The following MEGF6 variants were observed in gnomAD, a reference collection of about 807,000 sequenced individuals.
MEGF6 encodes the protein multiple epidermal growth factor-like domains protein 6.
MEGF6 carries 184 observed loss-of-function variants against 207.1 expected under a neutral mutation model. The ratio of observed to expected loss-of-function variants is 0.89; its 90% CI spans 0.79 to 1.00. MEGF6 has a LOEUF of 1.00. Ranked by LOEUF, MEGF6 falls within the 50% of genes least tolerant of loss-of-function variation. MEGF6 has a pLI of 0.00. For synonymous variants in MEGF6, 1,038 were observed against 910.0 expected (o/e 1.14, Z -2.53); for missense variants, 2,282 against 2,202.9 (o/e 1.04, Z -0.72).
intron 5 of MEGF6, among the ~76,000 whole-genome samples, chr1:3,520,113 T>A (rs1490922332): frequency 6.6e-6 from 1 of 152,234 alleles, no homozygotes; most frequent in Non-Finnish European, 1.5e-5. Flanking sequence ...ACAGCGTGTT[T>A]CATCTGGAGG....
Position 3,495,991 on chromosome 1 carries a change from T to A in MEGF6, c.3770A>T (p.Asn1257Ile), listed in dbSNP as rs925372625. 2 of 1,552,198 alleles carry A rather than the reference T, an allele frequency of 1.3e-6. No homozygotes were observed. The highest frequency in any genetic ancestry group is 2.4e-5 in the South Asian group (2 of 84,662). Residue 1257 changes from asparagine (N) to isoleucine (I), a missense_variant, in exon 30 of 37, where the codon AAC becomes ATC. By Grantham distance (149) the Asn-to-Ile change is moderately radical (BLOSUM62 -3). Coordinates refer to ENST00000356575, the MANE Select transcript of MEGF6 (RefSeq NM_001409.4). The stretch of plus-strand genomic sequence containing the variant: ...CCCACACCCACACACGTGGGTGCAG[T>A]TGGGGCCGAAGCGGCCCTGCGGACA... ...LTCPQGRFGP[N>I]CTHVCGCGQG...
chr1:3,500,586 T>A, intron 21 of MEGF6, 47 bp downstream of exon 21: 3 of 1,525,072 alleles, frequency 2.0e-6, no homozygotes, highest in Non-Finnish European at 2.6e-6. Flanking sequence ...TATGTGTGCG[T>A]GTGCGCACTC....
intron 4 of MEGF6, among the ~76,000 whole-genome samples, chr1:3,546,682 G>A (rs1642719019): frequency 6.7e-6 from 1 of 150,298 alleles, no homozygotes; most frequent in Admixed American, 6.6e-5. Context: ...AGGTGGGGTG[G>A]CAGTGGGCTG....
intron 3 of MEGF6, among the ~76,000 whole-genome samples, chr1:3,590,295 G>A (rs548852531): frequency 5.9e-5 from 9 of 152,334 alleles, no homozygotes; most frequent in Admixed American, 5.2e-4. Flanking sequence ...GTGCTGCCAG[G>A]ACCAGGGAGA....
Position 3,594,218 on chromosome 1 carries a change from T to C in MEGF6, c.376+1120A>G, listed in dbSNP as rs1400354727. 1.3e-5 allele frequency among the ~76,000 whole-genome samples: 2 copies of C among 152,098 alleles called. No homozygotes were observed. Among genetic ancestry groups the C allele is most frequent in the African/African-American group, 4.8e-5 (2 of 41,430 alleles). ...CCGAGGTGGAAGGATCGCTTGAGCCTAGGAGCTCAAGACCAGCCTGGGCAA... is the reference window on the plus strand; with the variant it reads ...CCGAGGTGGAAGGATCGCTTGAGCCCAGGAGCTCAAGACCAGCCTGGGCAA... On this transcript the variant is annotated intron_variant, in intron 3 of 36. Transcript: ENST00000356575. This position sits in a 1 kb window ranked among gnomAD's most constrained non-coding sequence, Gnocchi z 4.2.
At chr1:3,617,967 TCCCTGG>T in the MEGF6 span, among the ~76,000 whole-genome samples, 1 of 152,120 alleles carries the variant, frequency 6.6e-6, no homozygotes, top group East Asian at 1.9e-4. Flanking sequence ...CAAGGCCCTG[TCCCTGG>T]GGAGCCCCCG....
the MEGF6 span, among the ~76,000 whole-genome samples, chr1:3,620,929 C>T: frequency 4.6e-5 from 7 of 152,214 alleles, no homozygotes; most frequent in South Asian, 1.0e-3. Context: ...GGCCCTTCCC[C>T]GTTTGGCAGC....
Position 3,500,486 on chromosome 1 carries a change from C to A in MEGF6, c.2707+147G>T, listed in dbSNP as rs369123628. On this transcript the variant is annotated intron_variant, in intron 21 of 36. Coordinates refer to ENST00000356575, the MANE Select transcript of MEGF6 (RefSeq NM_001409.4). ...GCCTGCACGTTTTGGTGGGTGTGTG[C>A]GCGCACAGGAGGGGGCGCGGCCAAA... 2.5e-5 allele frequency: 30 copies of A among 1,201,430 alleles called. No individual in the cohort carries two copies. The Middle Eastern group carries it at 6.5e-4, about 26-fold the overall frequency. The allele number at this position is 1,201,430 out of a possible 1,614,324, so 74.4% of individuals were successfully genotyped here. A position where few individuals can be genotyped will look rare whatever the true frequency, so the allele number is the denominator to read the frequency against.
At chr1:3,600,117 CCCTTCCCTGCATCTCCCCAGCCCGGGCTG>C in intron 2 of MEGF6, among the ~76,000 whole-genome samples, 1 of 152,264 alleles carries the variant, frequency 6.6e-6, no homozygotes, top group African/African-American at 2.4e-5. Flanking sequence ...GCCTGCCCAG[CCCTTCCCTGCATCTCCCCAGCCCGGGCTG>C]CCTTCCCTGC....
At chr1:3,520,900 G>A (rs117486117) in intron 5 of MEGF6, among the ~76,000 whole-genome samples, 59 of 152,278 alleles carry the variant, frequency 3.9e-4, no homozygotes, top group Admixed American at 1.6e-3. Flanking sequence ...CTCCTCTGGG[G>A]CCTTCCCAGA....
At chr1:3,587,499 C>T (rs987109950) in intron 3 of MEGF6, among the ~76,000 whole-genome samples, 1 of 152,244 alleles carries the variant, frequency 6.6e-6, no homozygotes, top group Non-Finnish European at 1.5e-5. Context: ...TGACTAAGTA[C>T]ACTGTGATGT....
the MEGF6 span, among the ~76,000 whole-genome samples, chr1:3,617,595 A>G: frequency 6.6e-6 from 1 of 152,194 alleles, no homozygotes; most frequent in African/African-American, 2.4e-5. Flanking sequence ...CCTGTGTCAC[A>G]AACCTGCACA....
At chr1:3,580,575 C>T (rs893213574) in intron 3 of MEGF6, among the ~76,000 whole-genome samples, 3 of 152,000 alleles carry the variant, frequency 2.0e-5, no homozygotes, top group African/African-American at 7.3e-5. Context: ...AGAGGGGCGC[C>T]TTGTGGCTTG....
intron 5 of MEGF6, among the ~76,000 whole-genome samples, chr1:3,522,254 C>T (rs1239274574): frequency 1.3e-5 from 2 of 152,276 alleles, no homozygotes; most frequent in Middle Eastern, 3.4e-3. Flanking sequence ...GGCACGCAGG[C>T]GAGAGTCTCA....
intron 7 of MEGF6, among the ~76,000 whole-genome samples, chr1:3,512,555 G>A (rs1641391785): frequency 6.6e-6 from 1 of 152,300 alleles, no homozygotes; most frequent in South Asian, 2.1e-4. Context: ...ATTGAATCAT[G>A]GGGGTGGGTC....
intron 9 of MEGF6, among the ~76,000 whole-genome samples, chr1:3,511,342 G>A (rs1641338268): frequency 6.6e-6 from 1 of 152,178 alleles, no homozygotes; most frequent in Non-Finnish European, 1.5e-5. Flanking sequence ...GGGCCTGGCG[G>A]GCCGATGTGG....
chr1:3,541,878 C>T (rs893334781), intron 4 of MEGF6, among the ~76,000 whole-genome samples: 2 of 152,196 alleles, frequency 1.3e-5, no homozygotes, highest in African/African-American at 4.8e-5. Flanking sequence ...CACCCCCTTA[C>T]AGCAGGTCCC....
intron 1 of MEGF6, among the ~76,000 whole-genome samples, chr1:3,608,968 G>A (rs113632525): frequency 2.6e-5 from 4 of 152,198 alleles, no homozygotes; most frequent in Admixed American, 6.5e-5. Flanking sequence ...CTCCGACAGC[G>A]TCTCCTAGAG....
intron 4 of MEGF6, among the ~76,000 whole-genome samples, chr1:3,574,137 C>T (rs1643581617): frequency 6.6e-6 from 1 of 152,014 alleles, no homozygotes; most frequent in Admixed American, 6.5e-5. Flanking sequence ...CAGAGTGGGC[C>T]TGGGTGCTGA....
Sources: allele counts gnomAD v4.1 joint callset (sites outside exome capture counted in the v4.1 genomes callset), GRCh38; gene constraint gnomAD v4.1.1; non-coding constraint Gnocchi (gnomAD v3.1); transcripts MANE v1.5; gene names NCBI Gene and HGNC (gene_info 2026-07-23, HGNC 2026-07-21).